TBC1D22A: variants seen among roughly 807,000 people sequenced by gnomAD.
TBC1D22A encodes putative GTPase activator.
TBC1D22A carries 38 observed loss-of-function variants against 60.2 expected under a neutral mutation model. That is an observed-to-expected ratio of 0.63 (90% confidence interval 0.49 to 0.83). TBC1D22A has a LOEUF of 0.83. Ranked by LOEUF, TBC1D22A falls within the 40% of genes least tolerant of loss-of-function variation. The pLI, the probability that TBC1D22A is intolerant of heterozygous loss-of-function variation, is 0.00. For missense variants in TBC1D22A, 628 were observed against 701.0 expected (o/e 0.90, Z 1.18); for synonymous variants, 302 against 281.7 (o/e 1.07, Z -0.72).
chr22:46,807,645 C>T (rs1032336692), intron 4 of TBC1D22A, among the ~76,000 whole-genome samples: 2 of 152,170 alleles, frequency 1.3e-5, no homozygotes, highest in Non-Finnish European at 2.9e-5. Flanking sequence ...GGCAGGATTC[C>T]TGTGATTCCC....
intron 4 of TBC1D22A, among the ~76,000 whole-genome samples, chr22:46,837,525 G>A (rs373467016): frequency 6.6e-6 from 1 of 152,174 alleles, no homozygotes; most frequent in Admixed American, 6.5e-5. Flanking sequence ...AATTTAAGAG[G>A]ATTGAAATAA....
intron 4 of TBC1D22A, among the ~76,000 whole-genome samples, chr22:46,802,532 G>A (rs2084941518): frequency 6.6e-6 from 1 of 152,238 alleles, no homozygotes; most frequent in Non-Finnish European, 1.5e-5. Context: ...GCTGAGTGGG[G>A]TGTGGGGAGA....
chr22:47,042,733 C>A (rs1022082102), intron 11 of TBC1D22A, among the ~76,000 whole-genome samples: 1 of 152,232 alleles, frequency 6.6e-6, no homozygotes, highest in Admixed American at 6.5e-5. Flanking sequence ...CAGACCCCTG[C>A]GGGCCTTGAG....
At chr22:46,999,227 G>T (rs751020788) in intron 10 of TBC1D22A, among the ~76,000 whole-genome samples, 2 of 152,196 alleles carry the variant, frequency 1.3e-5, no homozygotes, top group Non-Finnish European at 1.5e-5. Context: ...CGGATTCGCT[G>T]GATGATTGTT....
intron 8 of TBC1D22A, among the ~76,000 whole-genome samples, chr22:46,930,970 C>G (rs2071325731): frequency 6.6e-6 from 1 of 152,202 alleles, no homozygotes; most frequent in African/African-American, 2.4e-5. Flanking sequence ...AAGGTAGACA[C>G]TGCTGCTCTT....
chr22:46,981,025 C>G (rs969330336), intron 9 of TBC1D22A, among the ~76,000 whole-genome samples: 2 of 152,186 alleles, frequency 1.3e-5, no homozygotes, highest in African/African-American at 4.8e-5. Flanking sequence ...AAAGGAAATG[C>G]AACAGAAGAA....
Position 46,989,225 on chromosome 22 carries a change from C to T in TBC1D22A, c.1126-8409C>T, listed in dbSNP as rs150918815. Among the ~76,000 whole-genome samples, 114 of 152,268 alleles carry T rather than the reference C, an allele frequency of 7.5e-4. 1 individual carries two copies. Among genetic ancestry groups the T allele is most frequent in the African/African-American group, 2.6e-3 (106 of 41,540 alleles). On this transcript the variant is annotated intron_variant, in intron 9 of 12. Coordinates refer to ENST00000337137, the MANE Select transcript of TBC1D22A (RefSeq NM_014346.5). ...AGCTGTTTGGATCTTCTATCCAGAC[C>T]GCTGAAACTTTGTCCACATCAGCAA...
intron 4 of TBC1D22A, among the ~76,000 whole-genome samples, chr22:46,821,608 T>A (rs904230031): frequency 6.6e-6 from 1 of 152,184 alleles, no homozygotes; most frequent in Non-Finnish European, 1.5e-5. Context: ...GTTTATGCTG[T>A]TAGTCTGATG....
intron 7 of TBC1D22A, among the ~76,000 whole-genome samples, chr22:46,899,751 A>G (rs748538333): frequency 6.6e-6 from 1 of 151,920 alleles, no homozygotes; most frequent in Non-Finnish European, 1.5e-5. Context: ...CCATACCCCC[A>G]CTTTAAAGAT....
intron 6 of TBC1D22A, among the ~76,000 whole-genome samples, chr22:46,893,576 T>G (rs1701429583): frequency 6.6e-6 from 1 of 152,198 alleles, no homozygotes; most frequent in South Asian, 2.1e-4. Context: ...CTGCAGGAGC[T>G]TATGCTGCTC....
chr22:47,114,898 G>A (rs555212092), intron 12 of TBC1D22A, among the ~76,000 whole-genome samples: 22 of 152,284 alleles, frequency 1.4e-4, no homozygotes, highest in African/African-American at 5.1e-4. Context: ...TTGGGCAGGC[G>A]GGGAAGGTGA....
At position 47,175,572 on chromosome 22, in the gene TBC1D22A, C is replaced by T. The variant is rs1441946791; in HGVS notation, c.*1946C>T. On this transcript the variant is annotated 3_prime_UTR_variant, in exon 13 of 13. Coordinates refer to ENST00000337137, the MANE Select transcript of TBC1D22A (RefSeq NM_014346.5). ...TGCATTTCCTCATGTATGTAAACGC[C>T]AAGACTGAATGTGAGAGGTGTTGGC... 1.3e-5 allele frequency: 2 copies of T among 152,222 alleles called. No individual in the cohort carries two copies. Among genetic ancestry groups the T allele is most frequent in the African/African-American group, 2.4e-5 (1 of 41,382 alleles). 9.4% of individuals were successfully genotyped at this position (152,222 alleles called of 1,614,324 possible).
intron 8 of TBC1D22A, among the ~76,000 whole-genome samples, chr22:46,932,078 A>G (rs1292783503): frequency 6.6e-6 from 1 of 152,112 alleles, no homozygotes; most frequent in Admixed American, 6.5e-5. Context: ...GCATGCCCCC[A>G]TTTGTGCGTT....
At chr22:46,800,775 T>C (rs966669909) in intron 4 of TBC1D22A, among the ~76,000 whole-genome samples, 1 of 152,246 alleles carries the variant, frequency 6.6e-6, no homozygotes, top group Non-Finnish European at 1.5e-5. Context: ...CTTTTTATCT[T>C]CTCACTTGAT....
intron 12 of TBC1D22A, among the ~76,000 whole-genome samples, chr22:47,170,006 T>G (rs1211071880): frequency 6.6e-6 from 1 of 152,158 alleles, no homozygotes; most frequent in Non-Finnish European, 1.5e-5. Flanking sequence ...CTGGTGTGGG[T>G]GATGCAGAAC....
At chr22:47,025,522 A>G (rs991387638) in intron 10 of TBC1D22A, among the ~76,000 whole-genome samples, 3 of 152,266 alleles carry the variant, frequency 2.0e-5, no homozygotes, top group African/African-American at 7.2e-5. Context: ...AAGAAACAAA[A>G]GGGAAATGAG....
chr22:47,147,205 C>T (rs1034930861), intron 12 of TBC1D22A, among the ~76,000 whole-genome samples: 3 of 152,210 alleles, frequency 2.0e-5, no homozygotes, highest in African/African-American at 7.2e-5. Context: ...CCGCCACCTG[C>T]AGAGGGCTAA....
intron 9 of TBC1D22A, among the ~76,000 whole-genome samples, chr22:46,984,988 T>C (rs2074667194): frequency 6.6e-6 from 1 of 152,162 alleles, no homozygotes; most frequent in Non-Finnish European, 1.5e-5. Flanking sequence ...CAGTGCTTGC[T>C]CCCAGAGGGG....
At chr22:46,834,800 G>A (rs993264875) in intron 4 of TBC1D22A, among the ~76,000 whole-genome samples, 2 of 152,188 alleles carry the variant, frequency 1.3e-5, no homozygotes, top group South Asian at 4.1e-4. Flanking sequence ...TATGCCTCCA[G>A]CATTCTGTAT....
Sources: gnomAD v4.1 joint callset for allele counts (sites outside exome capture counted in the v4.1 genomes callset) on GRCh38, gnomAD v4.1.1 for gene constraint, MANE v1.5 for transcripts, NCBI Gene and HGNC (gene_info 2026-07-23, HGNC 2026-07-21) for gene names.